The following MGAM2 variants were observed in gnomAD, a reference collection of about 807,000 sequenced individuals.
MGAM2 encodes maltase-glucoamylase 2 (putative), also known as probable maltase-glucoamylase 2.
Under a neutral mutation model 96.1 loss-of-function variants are expected in MGAM2, and 98 were observed. The ratio of observed to expected loss-of-function variants is 1.02; its 90% confidence interval spans 0.87 to 1.21. MGAM2 has a LOEUF of 1.21. Ranked by LOEUF, MGAM2 falls within the 50% of genes most tolerant of loss-of-function variation. The pLI is 0.00. For missense variants in MGAM2, 2,055 were observed against 1,182.4 expected (o/e 1.74, Z -10.82); for synonymous variants, 749 against 414.8 (o/e 1.81, Z -9.79).
At chr7:142,200,454 T>C (rs1797185418) in intron 45 of MGAM2, among the ~76,000 whole-genome samples, 1 of 152,348 alleles carries the variant, frequency 6.6e-6, no homozygotes, top group East Asian at 1.9e-4. Flanking sequence ...CTTACATCGA[T>C]GAAATATTAA....
chr7:142,121,073 G>T (rs1229959325), intron 3 of MGAM2, among the ~76,000 whole-genome samples: 1 of 152,054 alleles, frequency 6.6e-6, no homozygotes, highest in African/African-American at 2.4e-5. Context: ...TTGAATTTTA[G>T]GTTAAAGTTT....
chr7:142,182,128 G>A (rs1376071231), intron 32 of MGAM2, among the ~76,000 whole-genome samples: 1 of 152,066 alleles, frequency 6.6e-6, no homozygotes. Context: ...CTGAGAGTGG[G>A]GCTCCTCCCC....
rs571410826 is a variant in MGAM2, at chr7:142,198,657, G to C, written c.4966G>C (p.Ala1656Pro). 2.8e-6 allele frequency: 2 copies of C among 703,432 alleles called. No individual in the cohort carries two copies. Among genetic ancestry groups the C allele is most frequent in the African/African-American group, 3.5e-5 (2 of 57,360 alleles). The allele number at this position is 703,432 out of a possible 1,614,324, so 43.6% of individuals were successfully genotyped here. The change falls in exon 44 of 48, where the codon GCT becomes CCT. Residue 1656 changes from alanine (A) to proline (P), a missense_variant. By Grantham distance (27) the Ala-to-Pro change is conservative (BLOSUM62 -1). Coordinates refer to ENST00000477922, the MANE Select transcript of MGAM2 (RefSeq NM_001293626.2). ...TSTGQRKILK[A>P]PLDHINLHVR... ...AACAGGTCAGAGGAAAATCCTGAAG[G>C]CTCCCCTTGACCACATCAACCTTCA... is the stretch of plus-strand genomic sequence containing the variant.
intron 33 of MGAM2, among the ~76,000 whole-genome samples, chr7:142,184,376 A>G (rs763564304): frequency 3.3e-5 from 5 of 152,272 alleles, no homozygotes; most frequent in Admixed American, 1.3e-4. Flanking sequence ...TAACTATTTT[A>G]GTTTTTCCTA....
At chr7:142,166,747 G>A (rs748374257) in intron 25 of MGAM2, among the ~76,000 whole-genome samples, 5 of 152,092 alleles carry the variant, frequency 3.3e-5, no homozygotes, top group Non-Finnish European at 7.4e-5. Flanking sequence ...ATTATAGAAG[G>A]TCAGTGTGTG....
Position 142,161,146 on chromosome 7 carries a change from C to T in MGAM2, c.2367C>T (p.Leu789=). 2 of 702,726 alleles carry T rather than the reference C, an allele frequency of 2.8e-6. No individual in the cohort carries two copies. The highest frequency in any genetic ancestry group is 2.0e-5 in the Admixed American group (1 of 50,004). The allele number at this position is 702,726 out of a possible 1,614,324, so 43.5% of individuals were successfully genotyped here. Residue 789 remains leucine (L), a synonymous_variant, in exon 22 of 48, where the codon CTC becomes CTT. Transcript: ENST00000477922. ...ACAGCCGGAGGAATTCCCTGGGACT[C>T]ATCATCGCCTTGGACTATAAGAGAG... The part of the protein sequence containing the change: ...TEASRRNSLG[L]IIALDYKREA...
chr7:142,173,164 G>C, intron 30 of MGAM2, 65 bp from the exon 31 acceptor site: 1 of 696,220 alleles, frequency 1.4e-6, no homozygotes, highest in Non-Finnish European at 2.6e-6. Context: ...GTTGATTCAA[G>C]TATAAGTCAA....
chr7:142,150,050 T>G (rs557759448), intron 15 of MGAM2, among the ~76,000 whole-genome samples: 245 of 152,160 alleles, frequency 1.6e-3, no homozygotes, highest in Non-Finnish European at 2.9e-3. Flanking sequence ...CAAGCGATTT[T>G]CCTGCCTCAG....
chr7:142,138,955 T>A (rs1585154787), intron 10 of MGAM2, among the ~76,000 whole-genome samples: 1 of 152,152 alleles, frequency 6.6e-6, no homozygotes, highest in Non-Finnish European at 1.5e-5. Context: ...CTTTATAGAA[T>A]GAGGATGTAA....
chr7:142,152,428 C>A (rs528101722), intron 15 of MGAM2, among the ~76,000 whole-genome samples: 1 of 152,058 alleles, frequency 6.6e-6, no homozygotes. Flanking sequence ...CTCCAACCTA[C>A]CCCTATTTTT....
chr7:142,200,764 A>G (rs920141282), intron 45 of MGAM2, among the ~76,000 whole-genome samples: 1 of 152,206 alleles, frequency 6.6e-6, no homozygotes, highest in African/African-American at 2.4e-5. Flanking sequence ...TCATTAAAGA[A>G]GTAGATATTC....
intron 46 of MGAM2, among the ~76,000 whole-genome samples, chr7:142,211,856 C>A (rs576344221): frequency 3.9e-5 from 6 of 152,232 alleles, no homozygotes; most frequent in Admixed American, 6.5e-5. Flanking sequence ...CAAAAATATT[C>A]CTCAAGAAGA....
intron 7 of MGAM2, among the ~76,000 whole-genome samples, chr7:142,135,977 A>T (rs1042490630): frequency 2.0e-4 from 31 of 152,232 alleles, no homozygotes; most frequent in African/African-American, 7.5e-4. Flanking sequence ...TATGTTTACA[A>T]AATAACTTGA....
chr7:142,131,950 T>C lies in MGAM2; in HGVS notation c.440T>C (p.Ile147Thr). ...FHFKITDFNN[I>T]RYEVSHENIN... ...TGACAGATCACTGACTTTAATAACA[T>C]ACGCTATGAAGTTTCCCATGAAAAT... Residue 147 changes from isoleucine (I) to threonine (T), a missense_variant, in exon 6 of 48, where the codon ATA (isoleucine) becomes ACA (threonine). Ile to Thr is a moderately conservative substitution (Grantham distance 89, BLOSUM62 -1). Coordinates refer to ENST00000477922, the MANE Select transcript of MGAM2 (RefSeq NM_001293626.2). 1.4e-6 allele frequency: 1 copy of C among 702,560 alleles called. No individual in the cohort carries two copies. Among genetic ancestry groups the C allele is most frequent in the Non-Finnish European group, 2.6e-6 (1 of 384,818 alleles). The allele number at this position is 702,560 out of a possible 1,614,324, so 43.5% of individuals were successfully genotyped here.
chr7:142,220,956 A>G lies in MGAM2; in HGVS notation c.6445A>G (p.Thr2149Ala). 1.4e-6 allele frequency: 1 copy of G among 701,798 alleles called. No homozygotes were observed. The highest frequency in any genetic ancestry group is 1.5e-5 in the South Asian group (1 of 67,528). The allele number at this position is 701,798 out of a possible 1,614,324, so 43.5% of individuals were successfully genotyped here. Reference protein sequence around the residue: ...NNISTPVQTNTTNASTSTNVA... With the variant: ...NNISTPVQTNATNASTSTNVA... ...TATAAGTACTCCTGTTCAAACAAAT[A>G]CTACTAATGCTAGCACTAGTACTAA... Residue 2149 changes from threonine to alanine, a missense_variant, in exon 48 of 48, where the codon ACT (threonine) becomes GCT (alanine). Transcript: ENST00000477922.
chr7:142,181,138 T>A (rs1796527788), intron 32 of MGAM2, among the ~76,000 whole-genome samples: 1 of 152,222 alleles, frequency 6.6e-6, no homozygotes, highest in Non-Finnish European at 1.5e-5. Flanking sequence ...AGGGTTCTTG[T>A]GCTGATTCTT....
chr7:142,173,497 CT>C, intron 31 of MGAM2, 143 bp downstream of exon 31: 2 of 450,912 alleles, frequency 4.4e-6, no homozygotes, highest in African/African-American at 1.9e-5. Context: ...TACTATAATA[CT>C]ATGTACTTAT....
intron 34 of MGAM2, among the ~76,000 whole-genome samples, chr7:142,185,781 A>G (rs1187951341): frequency 2.0e-5 from 3 of 152,248 alleles, no homozygotes; most frequent in Non-Finnish European, 4.4e-5. Context: ...GAAAGGGATT[A>G]TAAAGCTATC....
chr7:142,137,354 T>C (rs1440887247), intron 8 of MGAM2, 79 bp from the exon 9 acceptor site: 7 of 569,910 alleles, frequency 1.2e-5, no homozygotes, highest in African/African-American at 1.1e-4. Context: ...CTCTTTTAGG[T>C]GGCTCAACTA....
Sources: allele counts gnomAD v4.1 joint callset (sites outside exome capture counted in the v4.1 genomes callset), GRCh38; gene constraint gnomAD v4.1.1; transcripts MANE v1.5; gene names NCBI Gene and HGNC (gene_info 2026-07-23, HGNC 2026-07-21).